Variants in ATP11A observed in about 807,000 individuals in gnomAD.
The protein encoded by ATP11A is ATPase phospholipid transporting 11A.
In ATP11A, 81 loss-of-function variants were observed where a neutral mutation model predicts 154.4. The observed-to-expected ratio is 0.52, with a 90% confidence interval of 0.44 to 0.63. The LOEUF (loss-of-function observed/expected upper bound fraction) is 0.63, where lower values mean the gene tolerates loss of function less well. ATP11A is among the 30% of genes least tolerant of loss of function. The pLI, the probability that ATP11A is intolerant of heterozygous loss-of-function variation, is 0.00. For missense variants in ATP11A, 1,316 were observed against 1,474.3 expected (o/e 0.89, Z 1.76); for synonymous variants, 623 against 585.9 (o/e 1.06, Z -0.91).
intron 1 of ATP11A, among the ~76,000 whole-genome samples, chr13:112,721,926 C>T (rs564843853): frequency 5.7e-4 from 87 of 152,284 alleles, no homozygotes; most frequent in Middle Eastern, 3.4e-3. Context: ...AAGTGCAGGC[C>T]GTGGCAGACA....
intron 17 of ATP11A, among the ~76,000 whole-genome samples, chr13:112,842,809 C>A (rs2079461552): frequency 6.6e-6 from 1 of 152,246 alleles, no homozygotes; most frequent in Admixed American, 6.5e-5. Flanking sequence ...GGTTTCTTTC[C>A]CCATCTGGGT....
chr13:112,712,546 C>T (rs1887881747), intron 1 of ATP11A, among the ~76,000 whole-genome samples: 1 of 152,152 alleles, frequency 6.6e-6, no homozygotes, highest in Admixed American at 6.5e-5. Flanking sequence ...GCCTCTGAGA[C>T]AGGCCCGAAG....
At chr13:112,724,010 TAAA>T (rs939741234) in intron 1 of ATP11A, among the ~76,000 whole-genome samples, 1 of 151,818 alleles carries the variant, frequency 6.6e-6, no homozygotes, top group Admixed American at 6.6e-5. Flanking sequence ...AACTTTTAAA[TAAA>T]GAAGATGAGC....
intron 1 of ATP11A, among the ~76,000 whole-genome samples, chr13:112,694,803 C>G (rs994840404): frequency 6.6e-6 from 1 of 152,156 alleles, no homozygotes; most frequent in Non-Finnish European, 1.5e-5. Context: ...GATTTCCTTG[C>G]TGACAGTAGA....
chr13:112,711,257 A>G (rs1231449887), intron 1 of ATP11A, among the ~76,000 whole-genome samples: 1 of 152,208 alleles, frequency 6.6e-6, no homozygotes, highest in Non-Finnish European at 1.5e-5. Flanking sequence ...TGTCGCTTAA[A>G]AAAGTGGCTT....
rs2277433 is a variant in ATP11A at position 112,819,315 on chromosome 13, G to A, written c.582G>A (p.Ala194=). ...TTGTGCATTTGTAGACGCATTACGC[G>A]GTCCAGGACACCAAAGGCTTCCACA... The part of the protein sequence containing the change: ...DGESSHKTHY[A]VQDTKGFHTE... Residue 194 remains alanine (A), a synonymous_variant, in exon 7 of 30, where the codon GCG becomes GCA. Coordinates refer to ENST00000375645, the MANE Select transcript of ATP11A (RefSeq NM_015205.3). 10,320 of 1,614,114 alleles carry A rather than the reference G, an allele frequency of 6.4e-3. 436 individuals carry two copies. In the African/African-American group the frequency reaches 0.11, roughly 16 times the overall value.
rs1403338956 is a variant in ATP11A at position 112,886,989 on chromosome 13, C to G, written c.*5123C>G. 6.6e-6 allele frequency: 1 copy of G among 152,222 alleles called. No homozygotes were observed. The highest frequency in any genetic ancestry group is 2.4e-5 in the African/African-American group (1 of 41,446). The allele number at this position is 152,222 out of a possible 1,614,324, so 9.4% of individuals were successfully genotyped here. On this transcript the variant is annotated 3_prime_UTR_variant, in exon 30 of 30. Coordinates refer to ENST00000375645, the MANE Select transcript of ATP11A (RefSeq NM_015205.3). ...AAATTAAATTGTTAATTAAACCAAT[C>G]TAACATTTCAGTAAAGTTTATTTTG...
chr13:112,722,949 AT>A (rs1000279611), intron 1 of ATP11A, among the ~76,000 whole-genome samples: 3 of 152,000 alleles, frequency 2.0e-5, no homozygotes, highest in South Asian at 2.1e-4. Flanking sequence ...CTTTTTAAGT[AT>A]TTTTTTTCAG....
chr13:112,787,753 C>T (rs1048245019), intron 2 of ATP11A, among the ~76,000 whole-genome samples: 2 of 150,838 alleles, frequency 1.3e-5, no homozygotes, highest in African/African-American at 4.9e-5. Flanking sequence ...GTGTAGACCC[C>T]TGTGGAGACC....
At chr13:112,778,469 C>T (rs1200560068) in intron 1 of ATP11A, among the ~76,000 whole-genome samples, 2 of 152,280 alleles carry the variant, frequency 1.3e-5, no homozygotes, top group Admixed American at 6.5e-5. Flanking sequence ...GGCATGGTGG[C>T]ATGCCTGCAA....
intron 5 of ATP11A, among the ~76,000 whole-genome samples, chr13:112,815,728 C>T (rs2078627619): frequency 6.6e-6 from 1 of 152,188 alleles, no homozygotes; most frequent in South Asian, 2.1e-4. Context: ...GCTCTCAGAA[C>T]TCGATTACCT....
At chr13:112,749,574 C>G (rs767278921) in intron 1 of ATP11A, among the ~76,000 whole-genome samples, 1 of 152,230 alleles carries the variant, frequency 6.6e-6, no homozygotes, top group Non-Finnish European at 1.5e-5. Flanking sequence ...GGGGAAAGTA[C>G]TGAACCTAGA....
chr13:112,769,783 A>G (rs909996214), intron 1 of ATP11A, among the ~76,000 whole-genome samples: 1 of 152,180 alleles, frequency 6.6e-6, no homozygotes, highest in African/African-American at 2.4e-5. Context: ...TGAGAGAGGC[A>G]CCGTGAAGGC....
chr13:112,707,749 G>A (rs148900493), intron 1 of ATP11A, among the ~76,000 whole-genome samples: 46 of 152,212 alleles, frequency 3.0e-4, no homozygotes, highest in African/African-American at 1.1e-3. Flanking sequence ...AGATTGTAAC[G>A]TGCGCCGAAA....
intron 1 of ATP11A, among the ~76,000 whole-genome samples, chr13:112,715,945 C>G (rs928093043): frequency 1.3e-5 from 2 of 152,044 alleles, no homozygotes; most frequent in African/African-American, 4.8e-5. Flanking sequence ...TAAGGGCTCT[C>G]TGAGGGATGG....
rs1483439039 is a variant in ATP11A, at chr13:112,845,360, C to T, written c.1809+2981C>T. ...GTACTAACCAGTCCAGTTGCCAGCA[C>T]TAGCGGTACTATTCAGTCCAGTTGC... On this transcript the variant is annotated intron_variant, in intron 17 of 29. Coordinates refer to ENST00000375645, the MANE Select transcript of ATP11A (RefSeq NM_015205.3). Among the ~76,000 whole-genome samples the T allele has an allele frequency of 1.8e-5, 2 of 111,854 alleles. 1 individual carries two copies. Among genetic ancestry groups the T allele is most frequent in the Non-Finnish European group, 3.4e-5 (2 of 58,512 alleles). 73.4% of individuals were successfully genotyped at this position (111,854 alleles called of 152,430 possible).
intron 5 of ATP11A, among the ~76,000 whole-genome samples, chr13:112,815,694 C>T (rs556705766): frequency 1.7e-4 from 26 of 152,320 alleles, no homozygotes; most frequent in African/African-American, 6.0e-4. Flanking sequence ...ATCTGGGCAG[C>T]GCCTTGGTTC....
At chr13:112,817,880 G>A (rs2078686382) in intron 6 of ATP11A, among the ~76,000 whole-genome samples, 1 of 152,228 alleles carries the variant, frequency 6.6e-6, no homozygotes, top group Non-Finnish European at 1.5e-5. Context: ...AAGCAGAGTA[G>A]GGGCGTGGGA....
chr13:112,833,988 G>T (rs1434647592), intron 14 of ATP11A, among the ~76,000 whole-genome samples: 1 of 152,198 alleles, frequency 6.6e-6, no homozygotes, highest in Non-Finnish European at 1.5e-5. Context: ...TCTGTCTCCC[G>T]GGTCCTCTGC....
Sources: gnomAD v4.1 joint callset for allele counts (sites outside exome capture counted in the v4.1 genomes callset) on GRCh38, gnomAD v4.1.1 for gene constraint, MANE v1.5 for transcripts, NCBI Gene and HGNC (gene_info 2026-07-23, HGNC 2026-07-21) for gene names.